Variants in RMI2 observed in about 807,000 individuals in gnomAD.
The protein encoded by RMI2 is recQ-mediated genome instability protein 2.
Under a neutral mutation model 8.4 loss-of-function variants are expected in RMI2, and 11 were observed. The ratio of observed to expected loss-of-function variants is 1.32; its 90% CI spans 0.83 to 2.18. The LOEUF (loss-of-function observed/expected upper bound fraction) is 2.18. Among genes scored for constraint, RMI2 ranks in the 30% most tolerant of loss-of-function variants. The probability of loss-of-function intolerance (pLI) is 0.00; values close to 1 mark genes in which losing one functional copy is unlikely to be tolerated. For missense variants in RMI2, 253 were observed against 207.5 expected (o/e 1.22, Z -1.35); for synonymous variants, 105 against 93.8 (o/e 1.12, Z -0.69).
Position 11,345,696 on chromosome 16 carries a change from G to T in RMI2, c.225G>T (p.Arg75Ser). The T allele has an allele frequency of 7.9e-7, 1 of 1,265,734 alleles. No homozygotes were observed. Among genetic ancestry groups the T allele is most frequent in the Non-Finnish European group, 9.9e-7 (1 of 1,007,416 alleles). 78.4% of individuals were successfully genotyped at this position (1,265,734 alleles called of 1,614,324 possible). ...CGGACCGCGGCGAGGCTCGGCTGAG[G>T]GACCCGAGCGGGGACTTCTCGGTCC... ...VMADRGEARL[R>S]DPSGDFSVRG... The change falls in exon 1 of 2, where the codon AGG (arginine) becomes AGT (serine). Residue 75 changes from arginine (R) to serine (S), a missense_variant. Coordinates refer to ENST00000312499, the MANE Select transcript of RMI2 (RefSeq NM_152308.3).
Position 11,345,750 on chromosome 16 carries a change from G to A in RMI2, c.279G>A (p.Arg93=). ...GCCTGGAGCGGGTGCCGCGCGGGCG[G>A]CCCTGTCTAGTCCCAGGTAATGCCC... ...VRGLERVPRG[R]PCLVPGKYVM... is the part of the protein sequence containing the mutation. The change falls in exon 1 of 2, where the codon CGG becomes CGA. Residue 93 remains arginine (R), a synonymous_variant. Coordinates refer to ENST00000312499, the MANE Select transcript of RMI2 (RefSeq NM_152308.3). 1 of 1,240,206 alleles carries A rather than the reference G, an allele frequency of 8.1e-7. No individual in the cohort carries two copies. The highest frequency in any genetic ancestry group is 1.0e-6 in the Non-Finnish European group (1 of 992,502). The allele number at this position is 1,240,206 out of a possible 1,614,324, so 76.8% of individuals were successfully genotyped here.
chr16:11,346,943 G>A (rs2070882957), intron 1 of RMI2, among the ~76,000 whole-genome samples: 1 of 152,238 alleles, frequency 6.6e-6, no homozygotes, highest in Non-Finnish European at 1.5e-5. Flanking sequence ...TGGAGGGCCA[G>A]AGCTGTGTGG....
chr16:11,347,538 G>T (rs1054290964), intron 1 of RMI2, among the ~76,000 whole-genome samples: 36 of 152,302 alleles, frequency 2.4e-4, no homozygotes, highest in Admixed American at 9.8e-4. Flanking sequence ...CCTGCGTGTT[G>T]TGTGGATTCA....
intron 1 of RMI2, among the ~76,000 whole-genome samples, chr16:11,347,667 C>T (rs2070896758): frequency 6.6e-6 from 1 of 152,216 alleles, no homozygotes; most frequent in African/African-American, 2.4e-5. Flanking sequence ...CATCAGCCTT[C>T]CCTCTGTCTG....
intron 1 of RMI2, 144 bp from the exon 2 acceptor site, chr16:11,350,498 A>C: frequency 3.3e-6 from 2 of 601,320 alleles, no homozygotes; most frequent in Non-Finnish European, 5.4e-6. Flanking sequence ...GCTGAGGCAC[A>C]AGAATCACTT....
rs761461996 is a variant in RMI2 at position 11,345,627 on chromosome 16, G to T, written c.156G>T (p.Pro52=). The change falls in exon 1 of 2, where the codon CCG becomes CCT. Residue 52 remains proline, a synonymous_variant. Coordinates refer to ENST00000312499, the MANE Select transcript of RMI2 (RefSeq NM_152308.3). ...RLSRAAAGRG[P]LDLAAVWMQG... ...CACGGGCGGCGGCGGGCCGCGGGCC[G>T]CTGGACCTGGCGGCCGTGTGGATGC... 8.0e-7 allele frequency: 1 copy of T among 1,243,060 alleles called. No homozygotes were observed. Among genetic ancestry groups the T allele is most frequent in the Non-Finnish European group, 1.0e-6 (1 of 994,684 alleles). 77.0% of individuals were successfully genotyped at this position (1,243,060 alleles called of 1,614,324 possible). A position where few individuals can be genotyped will look rare whatever the true frequency, so the allele number is the denominator to read the frequency against.
rs1470588382 is a variant in RMI2, at chr16:11,349,070, A to G, written c.296-1572A>G. ...CTGGAACATCCAGGAGTTTGTTTCCATAAACCTAAGGTGCTGAAGAGGCAG... is the reference window on the plus strand; with the variant it reads ...CTGGAACATCCAGGAGTTTGTTTCCGTAAACCTAAGGTGCTGAAGAGGCAG... On this transcript the variant is annotated intron_variant, in intron 1 of 1. Coordinates refer to ENST00000312499, the MANE Select transcript of RMI2 (RefSeq NM_152308.3). The surrounding 1 kb of genome is among the most constrained non-coding windows in gnomAD (Gnocchi z 4.2). 1.3e-5 allele frequency: 2 copies of G among 152,400 alleles called. No homozygotes were observed. The highest frequency in any genetic ancestry group is 2.1e-4 in the South Asian group (1 of 4,826). The allele number at this position is 152,400 out of a possible 1,614,324, so 9.4% of individuals were successfully genotyped here. A position where few individuals can be genotyped will look rare whatever the true frequency, so the allele number is the denominator to read the frequency against.
chr16:11,351,334 CT>C lies in RMI2; in HGVS notation c.*545del, dbSNP rs1472588298. The stretch of plus-strand genomic sequence containing the variant: ...TTCCTAACGGCAGGCATGGCGGCCC[CT>C]GAAAGACAACAGCTCCCTTTCTGCT... On this transcript the variant is annotated 3_prime_UTR_variant, in exon 2 of 2. Transcript: ENST00000312499. 2.6e-5 allele frequency: 6 copies of C among 232,756 alleles called. No homozygotes were observed. The highest frequency in any genetic ancestry group is 5.1e-5 in the Non-Finnish European group (6 of 117,814). 14.4% of individuals were successfully genotyped at this position (232,756 alleles called of 1,614,324 possible).
Position 11,349,567 on chromosome 16 carries a change from C to A in RMI2, c.296-1075C>A, listed in dbSNP as rs7197188. 0.82 allele frequency among the ~76,000 whole-genome samples: 124,399 copies of A among 152,110 alleles called. 50,995 individuals are homozygous for A. The highest frequency in any genetic ancestry group is 0.95 in the East Asian group (4,903 of 5,180). ...CCAACCCTACCAGCACTTTAGGCCC[C>A]TTCAGAGGGGATGGCAAGTGCATTT... On this transcript the variant is annotated intron_variant, in intron 1 of 1. Coordinates refer to ENST00000312499, the MANE Select transcript of RMI2 (RefSeq NM_152308.3). This position sits in a 1 kb window ranked among gnomAD's most constrained non-coding sequence, Gnocchi z 4.2.
At position 11,349,794 on chromosome 16, in the gene RMI2, TC is replaced by T. The variant is rs1331226905; in HGVS notation, c.296-846del. Among the ~76,000 whole-genome samples the T allele has an allele frequency of 6.6e-6, 1 of 152,216 alleles. No individual in the cohort carries two copies. The highest frequency in any genetic ancestry group is 2.4e-5 in the African/African-American group (1 of 41,458). On this transcript the variant is annotated intron_variant, in intron 1 of 1. Coordinates refer to ENST00000312499, the MANE Select transcript of RMI2 (RefSeq NM_152308.3). This position sits in a 1 kb window ranked among gnomAD's most constrained non-coding sequence, Gnocchi z 4.2. Reference sequence around the variant, plus strand: ...GCAGGGCTGGCACCGGGCCTGTCCTTCCTGCAGCATTTGGAGTTTTCTTTTA... The same window carrying T: ...GCAGGGCTGGCACCGGGCCTGTCCTTCTGCAGCATTTGGAGTTTTCTTTTA...
At chr16:11,350,579 G>C in intron 1 of RMI2, 63 bp from the exon 2 acceptor site, 1 of 1,362,226 alleles carries the variant, frequency 7.3e-7, no homozygotes, top group African/African-American at 1.6e-5. Flanking sequence ...GACATAGCAA[G>C]ACTCTGTCTC....
intron 1 of RMI2, among the ~76,000 whole-genome samples, chr16:11,347,974 T>A (rs746692147): frequency 6.6e-6 from 1 of 151,998 alleles, no homozygotes; most frequent in Non-Finnish European, 1.5e-5. Flanking sequence ...AGAGATGGGG[T>A]TTCAACATGT....
At position 11,349,510 on chromosome 16, in the gene RMI2, G is replaced by A. The variant is rs976927516; in HGVS notation, c.296-1132G>A. Among the ~76,000 whole-genome samples, 5 of 152,138 alleles carry A rather than the reference G, an allele frequency of 3.3e-5. No individual in the cohort carries two copies. The highest frequency in any genetic ancestry group is 9.7e-5 in the African/African-American group (4 of 41,430). ...TGCCCTTGGGCTTGTTTTTCTCTTC[G>A]TGGGCCTTCAGTCATTCTACTTCTG... On this transcript the variant is annotated intron_variant, in intron 1 of 1. Transcript: ENST00000312499. This position sits in a 1 kb window ranked among gnomAD's most constrained non-coding sequence, Gnocchi z 4.2.
At position 11,350,668 on chromosome 16, in the gene RMI2, G is replaced by A; in HGVS notation, c.322G>A (p.Val108Ile). 1.9e-6 allele frequency: 3 copies of A among 1,605,800 alleles called. No individual in the cohort carries two copies. The highest frequency in any genetic ancestry group is 2.5e-6 in the Non-Finnish European group (3 of 1,177,410). ...PGKYVMVMGV[V>I]QACSPEPCLQ... ...AAAGTATGTGATGGTGATGGGAGTG[G>A]TTCAGGCCTGCAGCCCTGAGCCCTG... Residue 108 changes from valine to isoleucine, a missense_variant, in exon 2 of 2, where the codon GTT becomes ATT. Coordinates refer to ENST00000312499, the MANE Select transcript of RMI2 (RefSeq NM_152308.3).
intron 1 of RMI2, among the ~76,000 whole-genome samples, chr16:11,347,064 G>A (rs559722651): frequency 2.6e-5 from 4 of 152,248 alleles, no homozygotes; most frequent in Non-Finnish European, 4.4e-5. Flanking sequence ...TGTTCCCTGG[G>A]ATGTCAGTTG....
intron 1 of RMI2, chr16:11,348,711 T>A (rs2070917855): frequency 6.6e-6 from 1 of 152,202 alleles, no homozygotes; most frequent in Non-Finnish European, 1.5e-5. Flanking sequence ...AAGGATGCAT[T>A]GGAGTTATCT....
chr16:11,346,595 G>C (rs914149121), intron 1 of RMI2, among the ~76,000 whole-genome samples: 4 of 152,034 alleles, frequency 2.6e-5, no homozygotes, highest in Non-Finnish European at 4.4e-5. Context: ...GCTCAAACTT[G>C]AGCCAGCATC....
At chr16:11,346,541 A>G (rs1242746854) in intron 1 of RMI2, among the ~76,000 whole-genome samples, 2 of 152,108 alleles carry the variant, frequency 1.3e-5, no homozygotes, top group African/African-American at 2.4e-5. Flanking sequence ...GATTACAGAC[A>G]TGAGCCGCTG....
rs1316811391 is a variant in RMI2 at position 11,349,187 on chromosome 16, A to G, written c.296-1455A>G. On this transcript the variant is annotated intron_variant, in intron 1 of 1. Coordinates refer to ENST00000312499, the MANE Select transcript of RMI2 (RefSeq NM_152308.3). The surrounding 1 kb of genome is among the most constrained non-coding windows in gnomAD (Gnocchi z 4.2). ...GCTTACCTAGATCGCGCTTGGATCA[A>G]CTGAGTTCTGGAGGCAGGAGGTGGA... The G allele has an allele frequency of 6.6e-6, 1 of 152,522 alleles. No homozygotes were observed. The highest frequency in any genetic ancestry group is 2.1e-4 in the South Asian group (1 of 4,824). The allele number at this position is 152,522 out of a possible 1,614,324, so 9.4% of individuals were successfully genotyped here.
Sources: gnomAD v4.1 joint callset for allele counts (sites outside exome capture counted in the v4.1 genomes callset) on GRCh38, gnomAD v4.1.1 for gene constraint, Gnocchi (gnomAD v3.1) non-coding constraint, MANE v1.5 for transcripts, NCBI Gene and HGNC (gene_info 2026-07-23, HGNC 2026-07-21) for gene names.